SLC22A14: variants seen among roughly 807,000 people sequenced by gnomAD.
SLC22A14 encodes solute carrier family 22 member 14.
SLC22A14 carries 50 observed loss-of-function variants against 53.9 expected under a neutral mutation model. The ratio of observed to expected loss-of-function variants is 0.93; its 90% CI spans 0.74 to 1.17. The LOEUF (loss-of-function observed/expected upper bound fraction) is 1.17. SLC22A14 is among the 50% of genes most tolerant of loss of function. SLC22A14 has a pLI of 0.00. For synonymous variants in SLC22A14, 312 were observed against 303.0 expected, an observed-to-expected ratio of 1.03 and a Z score of -0.31; for missense variants, 671 against 734.7, an observed-to-expected ratio of 0.91 and a Z score of 1.00.
chr3:38,291,276 G>A (rs572106459), intron 1 of SLC22A14, among the ~76,000 whole-genome samples: 2 of 152,164 alleles, frequency 1.3e-5, no homozygotes, highest in Non-Finnish European at 2.9e-5. Context: ...TCAGTCAAGG[G>A]AACCTCTAGA....
At chr3:38,317,589 G>A (rs1704657686) in intron 10 of SLC22A14, among the ~76,000 whole-genome samples, 1 of 152,150 alleles carries the variant, frequency 6.6e-6, no homozygotes, top group African/African-American at 2.4e-5. Context: ...TAATGGTTAT[G>A]GGCACAGGTT....
chr3:38,305,662 C>G (rs1704280723), intron 1 of SLC22A14: 1 of 201,688 alleles, frequency 5.0e-6, no homozygotes, highest in Non-Finnish European at 1.0e-5. Flanking sequence ...AGAAAAGGTC[C>G]CTAGAGACCT....
intron 9 of SLC22A14, 104 bp from the exon 10 acceptor site, chr3:38,316,220 G>A: frequency 1.0e-6 from 1 of 965,826 alleles, no homozygotes; most frequent in East Asian, 2.4e-5. Flanking sequence ...ATGAGGATGG[G>A]ACAGGGTGGA....
intron 1 of SLC22A14, among the ~76,000 whole-genome samples, chr3:38,302,069 C>A (rs1027967120): frequency 1.3e-5 from 2 of 150,754 alleles, no homozygotes; most frequent in African/African-American, 4.8e-5. Context: ...CCCGTCTCTA[C>A]TAAAAAATAC....
Position 38,315,724 on chromosome 3 carries a change from G to A in SLC22A14, c.1532+13G>A. Reference sequence around the variant, plus strand: ...CCACTGTGCTCAGGTATGGGGTCTGGTGGGCGAGGGGGCCATGGGGACATG... The same window carrying A: ...CCACTGTGCTCAGGTATGGGGTCTGATGGGCGAGGGGGCCATGGGGACATG... On this transcript the variant is annotated intron_variant, in intron 9 of 10. Transcript: ENST00000448498. 1 of 1,608,386 alleles carries A rather than the reference G, an allele frequency of 6.2e-7. No individual in the cohort carries two copies. The highest frequency in any genetic ancestry group is 1.3e-5 in the African/African-American group (1 of 74,954).
At chr3:38,290,703 G>A (rs1028683323) in intron 1 of SLC22A14, among the ~76,000 whole-genome samples, 2 of 152,226 alleles carry the variant, frequency 1.3e-5, no homozygotes, top group Non-Finnish European at 2.9e-5. Context: ...CATCCTGAGA[G>A]GAGGAAACTA....
At chr3:38,291,838 C>T (rs1377778344) in intron 1 of SLC22A14, among the ~76,000 whole-genome samples, 2 of 152,188 alleles carry the variant, frequency 1.3e-5, no homozygotes, top group African/African-American at 2.4e-5. Context: ...TTTTGAGTTT[C>T]CTTAATTAGT....
chr3:38,308,768 C>T (rs760493872), intron 4 of SLC22A14, among the ~76,000 whole-genome samples, 186 bp from the exon 5 acceptor site: 5 of 152,148 alleles, frequency 3.3e-5, no homozygotes, highest in African/African-American at 9.7e-5. Flanking sequence ...TGTCCCCTGG[C>T]GGGAACAGAG....
At chr3:38,297,051 G>A (rs934984887) in intron 1 of SLC22A14, among the ~76,000 whole-genome samples, 3 of 152,164 alleles carry the variant, frequency 2.0e-5, no homozygotes, top group African/African-American at 7.2e-5. Flanking sequence ...AAAATGGGAG[G>A]GGACCCAAAG....
chr3:38,318,205 G>A lies in SLC22A14; in HGVS notation c.1741G>A (p.Val581Ile), dbSNP rs1704672782. 2 of 1,613,918 alleles carry A rather than the reference G, an allele frequency of 1.2e-6. No individual in the cohort carries two copies. The highest frequency in any genetic ancestry group is 1.7e-5 in the Admixed American group (1 of 60,008). Residue 581 changes from valine (V) to isoleucine (I), a missense_variant, in exon 11 of 11, where the codon GTC becomes ATC. By Grantham distance (29) the Val-to-Ile change is conservative (BLOSUM62 3). Coordinates refer to ENST00000448498, the MANE Select transcript of SLC22A14 (RefSeq NM_001320033.2). ...LNHSSQIRNK[V>I]KDMKTKETSS... The stretch of plus-strand genomic sequence containing the variant: ...CTCTGATGGCTCTTTCAGGAATAAG[G>A]TCAAGGACATGAAGACTAAGGAAAC...
chr3:38,289,596 A>G (rs1329195119), intron 1 of SLC22A14, among the ~76,000 whole-genome samples: 3 of 152,192 alleles, frequency 2.0e-5, no homozygotes, highest in African/African-American at 7.2e-5. Flanking sequence ...GTCACGGAAG[A>G]GAACCATGAA....
chr3:38,284,132 A>G (rs1249877975), intron 1 of SLC22A14, among the ~76,000 whole-genome samples: 1 of 152,168 alleles, frequency 6.6e-6, no homozygotes, highest in Non-Finnish European at 1.5e-5. Context: ...TCGCAGTCTG[A>G]GAAGGAGGCA....
At chr3:38,315,524 G>C (rs759587833) in intron 8 of SLC22A14, 34 bp from the exon 9 acceptor site, 66 of 1,601,484 alleles carry the variant, frequency 4.1e-5, no homozygotes, top group Non-Finnish European at 5.5e-5. Flanking sequence ...GGTCAAGGGA[G>C]GGCTGATGAG....
intron 5 of SLC22A14, among the ~76,000 whole-genome samples, chr3:38,312,087 G>A (rs1347348677): frequency 6.6e-6 from 1 of 152,188 alleles, no homozygotes; most frequent in Non-Finnish European, 1.5e-5. Context: ...CTAGTGTCTT[G>A]AGTGTGTGTT....
chr3:38,287,796 A>G (rs1460360138), intron 1 of SLC22A14, among the ~76,000 whole-genome samples: 1 of 152,240 alleles, frequency 6.6e-6, no homozygotes, highest in Non-Finnish European at 1.5e-5. Context: ...CTACAGATCA[A>G]TATGGAGAAC....
intron 1 of SLC22A14, among the ~76,000 whole-genome samples, chr3:38,304,507 C>T (rs969663436): frequency 6.6e-6 from 1 of 152,094 alleles, no homozygotes; most frequent in Non-Finnish European, 1.5e-5. Flanking sequence ...CCCACCTCAG[C>T]CTCCCGAGTA....
upstream of SLC22A14, among the ~76,000 whole-genome samples, chr3:38,280,034 GA>G (rs1406702451): frequency 6.6e-6 from 1 of 152,214 alleles, no homozygotes; most frequent in Non-Finnish European, 1.5e-5. Flanking sequence ...TGGCCAACTA[GA>G]GTCTGTGCAG....
At position 38,313,955 on chromosome 3, in the gene SLC22A14, T is replaced by C; in HGVS notation, c.1378+14T>C. 1 of 1,608,604 alleles carries C rather than the reference T, an allele frequency of 6.2e-7. No individual in the cohort carries two copies. The highest frequency in any genetic ancestry group is 1.1e-5 in the South Asian group (1 of 90,980). ...TCCTCCCTGAAGGTACAGCTCATCC[T>C]TCCCCTGTGGCCTGCCCACAGCCTT... On this transcript the variant is annotated intron_variant, in intron 8 of 10. Coordinates refer to ENST00000448498, the MANE Select transcript of SLC22A14 (RefSeq NM_001320033.2).
chr3:38,316,495 C>G lies in SLC22A14; in HGVS notation c.1704C>G (p.Ser568=). ...CGGAAACGCGAGATCAGCCCCTCTC[C>G]GAGAGCCTGAACCACTCCTCACAGA... ...LLPETRDQPL[S]ESLNHSSQIR... is the part of the protein sequence containing the mutation. The change falls in exon 10 of 11, where the codon TCC becomes TCG. Residue 568 remains serine (S), a synonymous_variant. Coordinates refer to ENST00000448498, the MANE Select transcript of SLC22A14 (RefSeq NM_001320033.2). The G allele has an allele frequency of 1.9e-6, 3 of 1,614,136 alleles. No individual in the cohort carries two copies. The East Asian group carries it at 6.7e-5, about 36-fold the overall frequency.
Sources: allele counts gnomAD v4.1 joint callset (sites outside exome capture counted in the v4.1 genomes callset), GRCh38; gene constraint gnomAD v4.1.1; transcripts MANE v1.5; gene names NCBI Gene and HGNC (gene_info 2026-07-23, HGNC 2026-07-21).